LRRC37A2: variants seen among roughly 807,000 people sequenced by gnomAD.
LRRC37A2 encodes leucine-rich repeat-containing protein 37A2.
In LRRC37A2, 9 loss-of-function variants were observed where a neutral mutation model predicts 68.8. The observed-to-expected ratio is 0.13, with a 90% confidence interval of 0.08 to 0.23. The LOEUF (loss-of-function observed/expected upper bound fraction) is 0.23. Ranked by LOEUF, LRRC37A2 falls within the 10% of genes least tolerant of loss-of-function variation. The pLI is 1.00. For missense variants in LRRC37A2, 168 were observed against 950.4 expected (o/e 0.18, Z 10.82); for synonymous variants, 63 against 367.6 (o/e 0.17, Z 9.48).
chr17:46,755,380 A>G, the LRRC37A2 span: 3 of 1,609,448 alleles, frequency 1.9e-6, no homozygotes, highest in Non-Finnish European at 2.6e-6. Flanking sequence ...GTAAGTACAT[A>G]CAACATTTAA....
chr17:46,746,109 T>C, the LRRC37A2 span, among the ~76,000 whole-genome samples: 1 of 152,230 alleles, frequency 6.6e-6, no homozygotes, highest in Non-Finnish European at 1.5e-5. Context: ...TAATTATCTA[T>C]TTTGCATCTG....
chr17:46,895,078 C>T, the LRRC37A2 span, among the ~76,000 whole-genome samples: 1 of 152,314 alleles, frequency 6.6e-6, no homozygotes, highest in Non-Finnish European at 1.5e-5. Context: ...TTGGTGGTGG[C>T]CCCTGCCTGC....
the LRRC37A2 span, among the ~76,000 whole-genome samples, chr17:46,901,281 C>T: frequency 6.6e-6 from 1 of 152,130 alleles, no homozygotes. Flanking sequence ...CCTGTCTCAG[C>T]CTCCCAAGTA....
At chr17:46,732,892 G>T in the LRRC37A2 span, among the ~76,000 whole-genome samples, 1 of 152,190 alleles carries the variant, frequency 6.6e-6, no homozygotes, top group African/African-American at 2.4e-5. Flanking sequence ...AGCTAAGAAA[G>T]CTCCCAGCCT....
At chr17:46,875,831 C>T in the LRRC37A2 span, among the ~76,000 whole-genome samples, 2 of 152,164 alleles carry the variant, frequency 1.3e-5, no homozygotes, top group Admixed American at 6.5e-5. Flanking sequence ...AGTGGGAGGT[C>T]TGGAGGGTGA....
the LRRC37A2 span, among the ~76,000 whole-genome samples, chr17:46,655,962 A>G: frequency 6.2e-5 from 6 of 97,216 alleles, no homozygotes; most frequent in South Asian, 8.9e-4. Context: ...TTAGCAACTC[A>G]TAAAATAACT....
chr17:46,552,893 A>T (rs2056927910), intron 11 of LRRC37A2, among the ~76,000 whole-genome samples: 2 of 145,668 alleles, frequency 1.4e-5, no homozygotes, highest in East Asian at 4.0e-4. Flanking sequence ...TTTATTAAAA[A>T]TTAAAAAAAA....
the LRRC37A2 span, among the ~76,000 whole-genome samples, chr17:46,787,554 C>A: frequency 6.6e-6 from 1 of 152,336 alleles, no homozygotes; most frequent in East Asian, 1.9e-4. Flanking sequence ...CCAGCCAGAG[C>A]TTGTCTCTCT....
the LRRC37A2 span, among the ~76,000 whole-genome samples, chr17:46,777,192 A>G: frequency 1.3e-5 from 2 of 152,226 alleles, no homozygotes; most frequent in African/African-American, 4.8e-5. Context: ...CTTGGGCGAC[A>G]GAGCGAGACT....
At chr17:47,034,277 A>G in the LRRC37A2 span, among the ~76,000 whole-genome samples, 555 of 149,070 alleles carry the variant, frequency 3.7e-3, 1 homozygote, top group African/African-American at 0.012. Context: ...AACTTGAGCC[A>G]TTGAGCCAGT....
the LRRC37A2 span, chr17:46,830,917 T>C: frequency 5.0e-6 from 2 of 396,768 alleles, no homozygotes; most frequent in Non-Finnish European, 8.9e-6. Context: ...TAAGATCCTT[T>C]TCTAATAAAG....
At chr17:46,920,378 T>C in the LRRC37A2 span, among the ~76,000 whole-genome samples, 1 of 152,216 alleles carries the variant, frequency 6.6e-6, no homozygotes, top group Non-Finnish European at 1.5e-5. Flanking sequence ...CTTGTGTTCC[T>C]ATCTCCAGTA....
At chr17:46,891,918 CTTTTTTT>C in the LRRC37A2 span, among the ~76,000 whole-genome samples, 1 of 71,816 alleles carries the variant, frequency 1.4e-5, no homozygotes, top group African/African-American at 5.4e-5. Context: ...CTTTTCTTTT[CTTTTTTT>C]TTTTTTTTTT....
chr17:46,766,136 C>T, the LRRC37A2 span, among the ~76,000 whole-genome samples: 35 of 152,304 alleles, frequency 2.3e-4, no homozygotes, highest in African/African-American at 7.5e-4. Flanking sequence ...TGGCCGGGCG[C>T]GGTGGCTCAC....
At chr17:46,986,449 C>A in the LRRC37A2 span, among the ~76,000 whole-genome samples, 2 of 152,178 alleles carry the variant, frequency 1.3e-5, no homozygotes, top group Non-Finnish European at 2.9e-5. Context: ...TGACATTCTG[C>A]GCTTCCAACT....
chr17:46,812,341 CG>C, the LRRC37A2 span, among the ~76,000 whole-genome samples: 2 of 152,128 alleles, frequency 1.3e-5, no homozygotes, highest in Non-Finnish European at 2.9e-5. Context: ...CCCCTACCCC[CG>C]CCCCAAGAAT....
chr17:46,498,859 G>C, the LRRC37A2 span, among the ~76,000 whole-genome samples: 1 of 150,512 alleles, frequency 6.6e-6, no homozygotes. Flanking sequence ...ACACTGCTGA[G>C]ACTTTCAATG....
At chr17:46,769,830 C>G in the LRRC37A2 span, 1 of 1,613,086 alleles carries the variant, frequency 6.2e-7, no homozygotes, top group Non-Finnish European at 8.5e-7. Context: ...GAGCGCGCGT[C>G]CGGCCTGTTC....
chr17:46,493,460 C>G, the LRRC37A2 span, among the ~76,000 whole-genome samples: 2 of 130,418 alleles, frequency 1.5e-5, no homozygotes, highest in African/African-American at 3.1e-5. Flanking sequence ...CCATGCCTGG[C>G]CAAGATACCA....
Sources: gnomAD v4.1 joint callset for allele counts (sites outside exome capture counted in the v4.1 genomes callset) on GRCh38, gnomAD v4.1.1 for gene constraint, MANE v1.5 for transcripts, NCBI Gene and HGNC (gene_info 2026-07-23, HGNC 2026-07-21) for gene names.